The following CARS2 variants were observed in gnomAD, a reference collection of about 807,000 sequenced individuals.
CARS2 encodes the protein probable cysteine--tRNA ligase, mitochondrial.
A neutral mutation model predicts 68.8 loss-of-function variants in CARS2; 52 were observed. That is an observed-to-expected ratio of 0.76 (90% CI 0.61 to 0.95). CARS2 has a LOEUF of 0.95. Among genes scored for constraint, CARS2 ranks in the 40% least tolerant of loss-of-function variants. CARS2 has a pLI of 0.00. For missense variants in CARS2, 780 were observed against 754.2 expected, an observed-to-expected ratio of 1.03 and a Z score of -0.40; for synonymous variants, 314 against 303.6, an observed-to-expected ratio of 1.03 and a Z score of -0.36.
At chr13:110,706,200 G>A (rs1430735903), upstream of CARS2, 9 of 812,452 alleles carry the variant, frequency 1.1e-5, no homozygotes, top group Non-Finnish European at 1.4e-5. Flanking sequence ...ACGCCCTTGG[G>A]GCCACGCCCA....
exon 1 of CARS2, chr13:110,713,275 G>A: frequency 4.6e-6 from 6 of 1,303,906 alleles, no homozygotes; most frequent in African/African-American, 1.5e-5. Flanking sequence ...CAGGGGCTGA[G>A]GAGCGAGTTG....
rs28408740 is a variant in CARS2 at position 110,665,678 on chromosome 13, A to G, written c.919+1662T>C. On this transcript the variant is annotated intron_variant, in intron 8 of 14. Coordinates refer to ENST00000257347, the MANE Select transcript of CARS2 (RefSeq NM_024537.4). The surrounding 1 kb of genome is among the most constrained non-coding windows in gnomAD (Gnocchi z 4.3). ...CCTGCAGACAGAAACGTGCCTGCGG[A>G]GGGAGCAACTCCAGCTCCTCAGACA... The G allele has an allele frequency of 8.1e-6, 8 of 985,378 alleles. No homozygotes were observed. The highest frequency in any genetic ancestry group is 9.6e-6 in the Non-Finnish European group (8 of 829,908). The allele number at this position is 985,378 out of a possible 1,614,324, so 61.0% of individuals were successfully genotyped here. A position where few individuals can be genotyped will look rare whatever the true frequency, so the allele number is the denominator to read the frequency against.
At chr13:110,687,898 G>C (rs1566323819) in intron 4 of CARS2, 49 bp downstream of exon 4, 1 of 1,565,164 alleles carries the variant, frequency 6.4e-7, no homozygotes. Context: ...AGCTGTCATT[G>C]CTCACGCCTG....
chr13:110,708,168 C>T (rs538374926), upstream of CARS2, among the ~76,000 whole-genome samples: 1 of 149,276 alleles, frequency 6.7e-6, no homozygotes, highest in South Asian at 2.1e-4. Flanking sequence ...TTTTGTTTTG[C>T]TGTGGCTGGA....
intron 9 of CARS2, among the ~76,000 whole-genome samples, chr13:110,654,336 G>A (rs547097010): frequency 3.9e-5 from 6 of 152,266 alleles, no homozygotes; most frequent in African/African-American, 9.6e-5. Flanking sequence ...CCTCCATTAC[G>A]CAGAAAGCAT....
Position 110,682,940 on chromosome 13 carries a change from A to G in CARS2, c.655+111T>C, listed in dbSNP as rs2063199170. On this transcript the variant is annotated intron_variant, in intron 6 of 14. Transcript: ENST00000257347. ...TTTAAAACACAGCTGTGACCTGGGT[A>G]AGGCCAGTGTCTGAGCAAGTGGAGG... 12 of 612,082 alleles carry G rather than the reference A, an allele frequency of 2.0e-5. No homozygotes were observed. In the South Asian group the frequency reaches 3.2e-4, roughly 16 times the overall value. The allele number at this position is 612,082 out of a possible 1,614,324, so 37.9% of individuals were successfully genotyped here.
In CARS2 at chr13:110,667,446, G is replaced by A; in HGVS notation, c.813C>T (p.Ile271=). 1 of 1,613,764 alleles carries A rather than the reference G, an allele frequency of 6.2e-7. No individual in the cohort carries two copies. Among genetic ancestry groups the A allele is most frequent in the Non-Finnish European group, 8.5e-7 (1 of 1,179,758 alleles). ...ASMVFGSQLD[I]HSGGIDLAFP... ...AAGCTAAATCTATCCCACCTGAATG[G>A]ATATCCAGTTGACTTCCAAATACCA... is the stretch of plus-strand genomic sequence containing the variant. Residue 271 remains isoleucine, a synonymous_variant, in exon 8 of 15, where the codon ATC becomes ATT. Coordinates refer to ENST00000257347, the MANE Select transcript of CARS2 (RefSeq NM_024537.4).
chr13:110,645,915 C>T (rs374773952), intron 12 of CARS2, 52 bp downstream of exon 12: 84 of 1,590,538 alleles, frequency 5.3e-5, no homozygotes, highest in South Asian at 5.7e-5. Flanking sequence ...CCAGAGGACC[C>T]GACCCATGCC....
rs540602991 is a variant in CARS2 at position 110,700,326 on chromosome 13, T to C, written c.393+1112A>G. 2.0e-5 allele frequency among the ~76,000 whole-genome samples: 3 copies of C among 152,314 alleles called. No individual in the cohort carries two copies. In the East Asian group the frequency reaches 5.8e-4, roughly 29 times the overall value. On this transcript the variant is annotated intron_variant, in intron 3 of 14. Coordinates refer to ENST00000257347, the MANE Select transcript of CARS2 (RefSeq NM_024537.4). ...GGCGCTCGGGGACAGGGACAACACC[T>C]GGGGTTGACGTCCATGTCACCCACA...
At chr13:110,703,933 G>A (rs1004981226) in intron 2 of CARS2, among the ~76,000 whole-genome samples, 1 of 152,232 alleles carries the variant, frequency 6.6e-6, no homozygotes, top group Non-Finnish European at 1.5e-5. Flanking sequence ...GAGTGACAAA[G>A]TCATGGAGGC....
intron 9 of CARS2, among the ~76,000 whole-genome samples, chr13:110,652,250 G>A (rs981651487): frequency 3.9e-5 from 6 of 152,372 alleles, no homozygotes; most frequent in African/African-American, 7.2e-5. Context: ...GTCTGCACCC[G>A]CTCATCAGAG....
chr13:110,653,685 G>A lies in CARS2; in HGVS notation c.988-2585C>T, dbSNP rs1009630883. Among the ~76,000 whole-genome samples the A allele has an allele frequency of 1.3e-5, 2 of 152,172 alleles. No homozygotes were observed. The highest frequency in any genetic ancestry group is 2.1e-4 in the South Asian group (1 of 4,830). The stretch of plus-strand genomic sequence containing the variant: ...TTATCTTCCCTGCTCTTGCGGGGGC[G>A]GGCGCTACTGCAGCGAGCTATAGTA... On this transcript the variant is annotated intron_variant, in intron 9 of 14. Coordinates refer to ENST00000257347, the MANE Select transcript of CARS2 (RefSeq NM_024537.4). This position sits in a 1 kb window ranked among gnomAD's most constrained non-coding sequence, Gnocchi z 5.6.
intron 10 of CARS2, among the ~76,000 whole-genome samples, chr13:110,647,614 G>A (rs1888320739): frequency 1.3e-5 from 2 of 152,260 alleles, no homozygotes; most frequent in African/African-American, 4.8e-5. Context: ...GAAAGAGGGA[G>A]CCCCGCCCTG....
At chr13:110,671,349 G>A (rs2062798325) in intron 7 of CARS2, among the ~76,000 whole-genome samples, 1 of 152,222 alleles carries the variant, frequency 6.6e-6, no homozygotes, top group Non-Finnish European at 1.5e-5. Context: ...AAGCCCATCA[G>A]ACTAACAGCA....
At chr13:110,661,266 G>T (rs1162210329) in intron 9 of CARS2, among the ~76,000 whole-genome samples, 1 of 152,206 alleles carries the variant, frequency 6.6e-6, no homozygotes, top group Non-Finnish European at 1.5e-5. Flanking sequence ...ACATTCGAAA[G>T]ATCTGCTGTT....
At chr13:110,703,294 C>G (rs2063844878) in intron 2 of CARS2, among the ~76,000 whole-genome samples, 1 of 152,180 alleles carries the variant, frequency 6.6e-6, no homozygotes, top group African/African-American at 2.4e-5. Flanking sequence ...CTAACGACAT[C>G]AGATGGTTGC....
rs183202065 is a variant in CARS2, at chr13:110,669,697, A to T, written c.786-2224T>A. Among the ~76,000 whole-genome samples, 101 of 152,236 alleles carry T rather than the reference A, an allele frequency of 6.6e-4. No homozygotes were observed. The Middle Eastern group carries it at 0.01, about 15-fold the overall frequency. On this transcript the variant is annotated intron_variant, in intron 7 of 14. Transcript: ENST00000257347. ...CATTTCCAACTGAGGTACTGGCTTC[A>T]TCTCACTGGGGCTCGTCAGACAGTG...
At chr13:110,703,366 C>A (rs1295841373) in intron 2 of CARS2, among the ~76,000 whole-genome samples, 1 of 152,138 alleles carries the variant, frequency 6.6e-6, no homozygotes, top group Non-Finnish European at 1.5e-5. Context: ...GGAGGTGGGG[C>A]AGGCCAGCCC....
chr13:110,694,568 C>A (rs564648151), intron 3 of CARS2, among the ~76,000 whole-genome samples: 2 of 151,874 alleles, frequency 1.3e-5, no homozygotes, highest in African/African-American at 4.8e-5. Context: ...GCCTGGGAGG[C>A]GGAGGTTGCG....
Sources: gnomAD v4.1 joint callset for allele counts (sites outside exome capture counted in the v4.1 genomes callset) on GRCh38, gnomAD v4.1.1 for gene constraint, Gnocchi (gnomAD v3.1) non-coding constraint, MANE v1.5 for transcripts, NCBI Gene and HGNC (gene_info 2026-07-23, HGNC 2026-07-21) for gene names.